PLCH2: variants seen among roughly 807,000 people sequenced by gnomAD.
PLCH2 encodes 1-phosphatidylinositol 4,5-bisphosphate phosphodiesterase eta-2.
Under a neutral mutation model 134.7 loss-of-function variants are expected in PLCH2, and 98 were observed. That is an observed-to-expected ratio of 0.73 (90% CI 0.62 to 0.86). The LOEUF is 0.86. PLCH2 is among the 40% of genes least tolerant of loss of function. PLCH2 has a pLI of 0.00. For synonymous variants in PLCH2, 974 were observed against 827.5 expected, an observed-to-expected ratio of 1.18 and a Z score of -3.04; for missense variants, 1,994 against 1,986.6, an observed-to-expected ratio of 1.00 and a Z score of -0.07.
upstream of PLCH2, among the ~76,000 whole-genome samples, chr1:2,467,067 C>T (rs560626565): frequency 2.0e-5 from 3 of 152,098 alleles, no homozygotes; most frequent in East Asian, 5.8e-4. Flanking sequence ...CTGCAGCCTG[C>T]GGGGCCTGGG....
intron 2 of PLCH2, among the ~76,000 whole-genome samples, chr1:2,462,023 GCCCCTCTGCCTGACAC>G (rs1039927029): frequency 1.4e-4 from 21 of 150,278 alleles, no homozygotes; most frequent in South Asian, 8.4e-4. Context: ...CCACTCGGCA[GCCCCTCTGCCTGACAC>G]CCCCTCTGCC....
chr1:2,501,883 A>T (rs1011447563), intron 20 of PLCH2: 2 of 464,402 alleles, frequency 4.3e-6, no homozygotes, highest in African/African-American at 4.1e-5. Flanking sequence ...GGGGTGGGCC[A>T]TGTGTACTTA....
chr1:2,489,963 C>A, intron 10 of PLCH2, 96 bp downstream of exon 10: 1 of 931,132 alleles, frequency 1.1e-6, no homozygotes, highest in Non-Finnish European at 1.7e-6. Context: ...GAAAGGGAGG[C>A]ATCCGGGAGA....
At chr1:2,487,452 G>A (rs951530734) in intron 7 of PLCH2, 76 bp downstream of exon 7, 130 of 1,477,184 alleles carry the variant, frequency 8.8e-5, no homozygotes, top group Non-Finnish European at 1.1e-4. Context: ...AGGAGCCCCC[G>A]GGGGGATCTC....
chr1:2,495,356 G>A (rs372207535), intron 12 of PLCH2, 132 bp from the exon 13 acceptor site: 1 of 705,598 alleles, frequency 1.4e-6, no homozygotes. Flanking sequence ...GCCCAGCCAG[G>A]CGGGATGGAC....
At chr1:2,474,989 C>T (rs1388274688), upstream of PLCH2, among the ~76,000 whole-genome samples, 1 of 152,214 alleles carries the variant, frequency 6.6e-6, no homozygotes, top group Non-Finnish European at 1.5e-5. Flanking sequence ...GCTCCCTAAT[C>T]TAATTCCACG....
chr1:2,487,119 T>C, intron 6 of PLCH2, 54 bp from the exon 7 acceptor site: 1 of 1,517,140 alleles, frequency 6.6e-7, no homozygotes, highest in Non-Finnish European at 8.9e-7. Context: ...CAGGTGGTCA[T>C]GAGACGAGGC....
chr1:2,464,320 G>T (rs555399180), upstream of PLCH2, among the ~76,000 whole-genome samples: 1 of 152,170 alleles, frequency 6.6e-6, no homozygotes, highest in Non-Finnish European at 1.5e-5. Flanking sequence ...TTTCTCTGGG[G>T]CTGTTTGTGC....
upstream of PLCH2, among the ~76,000 whole-genome samples, chr1:2,423,352 TA>T (rs1261861065): frequency 1.3e-5 from 2 of 152,156 alleles, no homozygotes; most frequent in African/African-American, 4.8e-5. Context: ...CACACCCAGC[TA>T]TTTTTTTTAA....
At chr1:2,501,933 G>C in intron 20 of PLCH2, 179 bp from the exon 21 acceptor site, 1 of 548,078 alleles carries the variant, frequency 1.8e-6, no homozygotes, top group Non-Finnish European at 3.1e-6. Flanking sequence ...GCTGCCCTAG[G>C]GACCCTGCTC....
rs763565482 is a variant in PLCH2 at position 2,504,381 on chromosome 1, G to GT, written c.3419_3420insT (p.Asp1141ArgfsTer17). On this transcript the variant is annotated frameshift_variant, in exon 22 of 22. Transcript: ENST00000378486. LOFTEE classifies it high-confidence loss of function. ...CAGCGGCTGGAGCCATGTGGCCACC[G>GT]AGACAGCGTTTCCTCCTCCTCCAGC... 1 of 1,612,000 alleles carries GT rather than the reference G, an allele frequency of 6.2e-7. No homozygotes were observed. Among genetic ancestry groups the GT allele is most frequent in the East Asian group, 2.2e-5 (1 of 44,864 alleles).
intron 1 of PLCH2, among the ~76,000 whole-genome samples, chr1:2,426,475 C>T (rs941988326): frequency 6.6e-6 from 1 of 152,228 alleles, no homozygotes. Flanking sequence ...CCTGAGTCCC[C>T]ATGGGGTCCT....
chr1:2,482,803 G>A (rs886767795), intron 4 of PLCH2, among the ~76,000 whole-genome samples: 6 of 152,202 alleles, frequency 3.9e-5, no homozygotes, highest in Non-Finnish European at 8.8e-5. Flanking sequence ...GGCTGCTGCT[G>A]TCCATGGTGC....
the PLCH2 span, among the ~76,000 whole-genome samples, chr1:2,418,096 G>T: frequency 6.6e-6 from 1 of 152,234 alleles, no homozygotes; most frequent in African/African-American, 2.4e-5. Context: ...TGGAGTCAGC[G>T]CAGTGAAGAC....
At chr1:2,479,699 G>A (rs1557997847) in intron 2 of PLCH2, 35 bp from the exon 3 acceptor site, 14 of 1,513,846 alleles carry the variant, frequency 9.2e-6, no homozygotes, top group South Asian at 8.6e-5. Flanking sequence ...CTGGGCCCCC[G>A]GGGACCTGAC....
At chr1:2,481,926 G>T (rs1165312527) in intron 4 of PLCH2, among the ~76,000 whole-genome samples, 3 of 152,256 alleles carry the variant, frequency 2.0e-5, no homozygotes, top group Non-Finnish European at 4.4e-5. Context: ...TCTGGAGATG[G>T]CTCCCATTGC....
chr1:2,449,774 T>C (rs1050856654), intron 2 of PLCH2, among the ~76,000 whole-genome samples: 1 of 152,208 alleles, frequency 6.6e-6, no homozygotes, highest in African/African-American at 2.4e-5. Context: ...TGGGCAGGGC[T>C]GTGTGGCTGC....
upstream of PLCH2, among the ~76,000 whole-genome samples, chr1:2,421,215 G>A (rs1008263992): frequency 2.6e-5 from 4 of 152,118 alleles, no homozygotes; most frequent in Non-Finnish European, 4.4e-5. Flanking sequence ...AAAGTGCTGG[G>A]GTTACAGACG....
intron 2 of PLCH2, among the ~76,000 whole-genome samples, chr1:2,437,243 G>A (rs1267768710): frequency 6.6e-6 from 1 of 152,154 alleles, no homozygotes; most frequent in Non-Finnish European, 1.5e-5. Context: ...CAATTTCGGT[G>A]CCTTGGTGGG....
Sources: gnomAD v4.1 joint callset for allele counts (sites outside exome capture counted in the v4.1 genomes callset) on GRCh38, gnomAD v4.1.1 for gene constraint, MANE v1.5 for transcripts, NCBI Gene and HGNC (gene_info 2026-07-23, HGNC 2026-07-21) for gene names.